Variants in RHEX observed in about 807,000 individuals in gnomAD.
RHEX encodes regulator of hemoglobinization and erythroid cell expansion protein.
RHEX carries 18 observed loss-of-function variants against 20.1 expected under a neutral mutation model. The ratio of observed to expected loss-of-function variants is 0.90; its 90% CI spans 0.62 to 1.33. The LOEUF (loss-of-function observed/expected upper bound fraction) is 1.33. Ranked by LOEUF, RHEX falls within the 40% of genes most tolerant of loss-of-function variation. The pLI, the probability that RHEX is intolerant of heterozygous loss-of-function variation, is 0.00. For missense variants in RHEX, 192 were observed against 214.3 expected, an observed-to-expected ratio of 0.90 and a Z score of 0.65; for synonymous variants, 87 against 77.1, an observed-to-expected ratio of 1.13 and a Z score of -0.67.
rs562537768 is a variant in RHEX at position 206,098,141 on chromosome 1, C to T, written c.72C>T (p.Cys24=). Reference sequence around the variant, plus strand: ...TGGTGTCCCTCTTCCTGCAGGCCTGCTTCCTCACCGCCATCAACTACCTGC... The same window carrying T: ...TGGTGTCCCTCTTCCTGCAGGCCTGTTTCCTCACCGCCATCAACTACCTGC... The part of the protein sequence containing the change: ...IAVVSLFLQA[C]FLTAINYLLS... Residue 24 remains cysteine (C), a synonymous_variant, in exon 3 of 6, where the codon TGC becomes TGT. Transcript: ENST00000331555. The T allele has an allele frequency of 2.4e-5, 38 of 1,614,034 alleles. No homozygotes were observed. In the East Asian group the frequency reaches 6.5e-4, roughly 27 times the overall value.
chr1:206,063,856 G>C (rs1430002670), intron 1 of RHEX, among the ~76,000 whole-genome samples: 3 of 144,974 alleles, frequency 2.1e-5, no homozygotes, highest in Non-Finnish European at 3.0e-5. Context: ...GCCGCCCATC[G>C]TCTGGGATGT....
In RHEX at chr1:206,099,816, G is replaced by A; in HGVS notation, c.256+18G>A. 6.2e-7 allele frequency: 1 copy of A among 1,612,472 alleles called. No homozygotes were observed. Among genetic ancestry groups the A allele is most frequent in the Non-Finnish European group, 8.5e-7 (1 of 1,179,004 alleles). Reference sequence around the variant, plus strand: ...TTACAGGCGTGAGTAAGGGGTTGGAGGGAGAACTTGTCTAGGGACTAACTT... The same window carrying A: ...TTACAGGCGTGAGTAAGGGGTTGGAAGGAGAACTTGTCTAGGGACTAACTT... On this transcript the variant is annotated intron_variant, in intron 4 of 5. Transcript: ENST00000331555.
chr1:206,055,347 C>T (rs1336457417), intron 1 of RHEX, among the ~76,000 whole-genome samples: 1 of 152,256 alleles, frequency 6.6e-6, no homozygotes, highest in African/African-American at 2.4e-5. Context: ...CCTTGTTCAT[C>T]CCCGAGCGGA....
intron 1 of RHEX, among the ~76,000 whole-genome samples, chr1:206,095,533 T>C (rs1208063275): frequency 3.3e-5 from 5 of 152,138 alleles, no homozygotes; most frequent in Non-Finnish European, 5.9e-5. Flanking sequence ...TGGGGTAATT[T>C]TGGCTGGGCG....
At chr1:206,096,081 C>T (rs190330711) in intron 1 of RHEX, among the ~76,000 whole-genome samples, 4 of 152,286 alleles carry the variant, frequency 2.6e-5, no homozygotes, top group African/African-American at 7.2e-5. Context: ...CCACCTGCAT[C>T]GGCCTCCCAA....
chr1:206,064,266 G>C (rs1196719275), intron 1 of RHEX, among the ~76,000 whole-genome samples: 3 of 145,510 alleles, frequency 2.1e-5, no homozygotes, highest in Non-Finnish European at 4.5e-5. Context: ...GAGGTGGGGG[G>C]GGTCAGCCCC....
intron 1 of RHEX, among the ~76,000 whole-genome samples, chr1:206,057,533 A>G (rs1435270244): frequency 6.6e-6 from 1 of 152,282 alleles, no homozygotes; most frequent in East Asian, 1.9e-4. Context: ...CCAAAGTTGC[A>G]GACTGTTTGG....
rs1206805597 is a variant in RHEX at position 206,063,764 on chromosome 1, T to C, written c.-97+10499T>C. ...CTACAACCTCCACCTCCCAGCCGCC[T>C]GCCTTGGCCTCCCAAAGTGCCGAGA... On this transcript the variant is annotated intron_variant, in intron 1 of 5. Coordinates refer to ENST00000331555, the MANE Select transcript of RHEX (RefSeq NM_001007544.4). 1.9e-4 allele frequency among the ~76,000 whole-genome samples: 29 copies of C among 152,322 alleles called. 1 individual carries two copies. The highest frequency in any genetic ancestry group is 7.0e-4 in the African/African-American group (29 of 41,566).
At chr1:206,084,689 T>C (rs1205874027) in intron 1 of RHEX, among the ~76,000 whole-genome samples, 3 of 152,200 alleles carry the variant, frequency 2.0e-5, no homozygotes, top group African/African-American at 2.4e-5. Flanking sequence ...AACTACCCAA[T>C]TAAATGCCTT....
intron 1 of RHEX, among the ~76,000 whole-genome samples, chr1:206,055,867 C>A (rs1662183631): frequency 6.6e-6 from 1 of 152,272 alleles, no homozygotes; most frequent in Non-Finnish European, 1.5e-5. Context: ...TCTCTCAAAA[C>A]AACTAGATGA....
chr1:206,057,033 T>TTATGGAAAAGGAC, intron 1 of RHEX, among the ~76,000 whole-genome samples: 1 of 152,226 alleles, frequency 6.6e-6, no homozygotes, highest in Non-Finnish European at 1.5e-5. Flanking sequence ...ATATGTAACA[T>TTATGGAAAAGGAC]TAGGCATTGA....
At position 206,098,481 on chromosome 1, in the gene RHEX, T is replaced by C. The variant is rs1663124479; in HGVS notation, c.112+300T>C. On this transcript the variant is annotated intron_variant, in intron 3 of 5. Coordinates refer to ENST00000331555, the MANE Select transcript of RHEX (RefSeq NM_001007544.4). The stretch of plus-strand genomic sequence containing the variant: ...CAATGCCTACGAGGAAGTGCTCGTG[T>C]AACCTGGTCTAATTAATTTTCTTCA... 7 of 325,224 alleles carry C rather than the reference T, an allele frequency of 2.2e-5. No individual in the cohort carries two copies. In the South Asian group the frequency reaches 4.1e-4, roughly 19 times the overall value. 20.1% of individuals were successfully genotyped at this position (325,224 alleles called of 1,614,324 possible).
Position 206,101,206 on chromosome 1 carries a change from T to A in RHEX, c.318+9T>A. The A allele has an allele frequency of 6.2e-7, 1 of 1,606,476 alleles. No individual in the cohort carries two copies. The highest frequency in any genetic ancestry group is 8.5e-7 in the Non-Finnish European group (1 of 1,175,438). On this transcript the variant is annotated intron_variant, in intron 5 of 5. Coordinates refer to ENST00000331555, the MANE Select transcript of RHEX (RefSeq NM_001007544.4). ...CGCCTCCTGCCTGCCAGGTAATGGA[T>A]GTGCCTAGTGATCTCAGACGAACAT...
At chr1:206,060,659 T>C (rs563536500) in intron 1 of RHEX, 7 of 152,444 alleles carry the variant, frequency 4.6e-5, no homozygotes, top group African/African-American at 1.7e-4. Flanking sequence ...AGGGCACTTT[T>C]GTGGAGGGTC....
rs980435714 is a variant in RHEX, at chr1:206,101,636, G to C, written c.319-116G>C. On this transcript the variant is annotated intron_variant, in intron 5 of 5. Transcript: ENST00000331555. ...TCCCAGACACAGCTATTTGGACCCA[G>C]ATCTTCCCCACCAAGCCATGGGCGA... 3 of 775,302 alleles carry C rather than the reference G, an allele frequency of 3.9e-6. No homozygotes were observed. In the East Asian group the frequency reaches 8.0e-5, roughly 21 times the overall value. 48.0% of individuals were successfully genotyped at this position (775,302 alleles called of 1,614,324 possible).
chr1:206,084,684 C>T (rs1190152068), intron 1 of RHEX, among the ~76,000 whole-genome samples: 1 of 152,138 alleles, frequency 6.6e-6, no homozygotes, highest in Non-Finnish European at 1.5e-5. Flanking sequence ...TGGCAAACTA[C>T]CCAATTAAAT....
intron 1 of RHEX, among the ~76,000 whole-genome samples, chr1:206,058,234 T>C (rs1662236666): frequency 6.6e-6 from 1 of 152,252 alleles, no homozygotes; most frequent in South Asian, 2.1e-4. Context: ...AGGAACCTGC[T>C]TACTGCTCCC....
intron 1 of RHEX, among the ~76,000 whole-genome samples, chr1:206,084,881 G>T (rs957150063): frequency 2.6e-5 from 4 of 152,118 alleles, no homozygotes; most frequent in African/African-American, 4.8e-5. Context: ...GCCAGCACTG[G>T]CCCTGAATCC....
chr1:206,093,880 T>G (rs781803260), intron 1 of RHEX, among the ~76,000 whole-genome samples: 7 of 152,120 alleles, frequency 4.6e-5, no homozygotes, highest in Non-Finnish European at 1.0e-4. Flanking sequence ...GGTTTTACTC[T>G]GTCACCCAGG....
Sources: allele counts gnomAD v4.1 joint callset (sites outside exome capture counted in the v4.1 genomes callset), GRCh38; gene constraint gnomAD v4.1.1; transcripts MANE v1.5; gene names NCBI Gene and HGNC (gene_info 2026-07-23, HGNC 2026-07-21).